The following PAX7 variants were observed in gnomAD, a reference collection of about 807,000 sequenced individuals.
PAX7 encodes the protein paired box 7.
PAX7 carries 18 observed loss-of-function variants against 50.7 expected under a neutral mutation model. That is an observed-to-expected ratio of 0.36 (90% confidence interval 0.25 to 0.53). The LOEUF (loss-of-function observed/expected upper bound fraction) is 0.53, where lower values mean the gene tolerates loss of function less well. Among genes scored for constraint, PAX7 ranks in the 20% least tolerant of loss-of-function variants. The probability of loss-of-function intolerance (pLI) is 0.93; values close to 1 mark genes in which losing one functional copy is unlikely to be tolerated. For synonymous variants in PAX7, 310 were observed against 290.4 expected (o/e 1.07, Z -0.69); for missense variants, 644 against 702.9 (o/e 0.92, Z 0.95).
intron 4 of PAX7, among the ~76,000 whole-genome samples, chr1:18,689,789 C>T (rs1257341915): frequency 6.6e-6 from 1 of 152,258 alleles, no homozygotes; most frequent in Non-Finnish European, 1.5e-5. Flanking sequence ...CAGGCGTTTG[C>T]ATGTGCTCTC....
At chr1:18,643,147 C>T (rs557316388) in intron 4 of PAX7, among the ~76,000 whole-genome samples, 4 of 152,318 alleles carry the variant, frequency 2.6e-5, no homozygotes, top group Admixed American at 6.5e-5. Context: ...CATTCTAGGG[C>T]GCCTTGGGCA....
At chr1:18,706,446 TTC>T (rs199935082) in intron 7 of PAX7, among the ~76,000 whole-genome samples, 24,518 of 142,890 alleles carry the variant, frequency 0.17, 2,591 homozygotes, top group African/African-American at 0.29. Flanking sequence ...TTCTTTTCTT[TTC>T]TCTCTCTCTC....
intron 4 of PAX7, among the ~76,000 whole-genome samples, chr1:18,646,987 G>A (rs1489166885): frequency 2.2e-5 from 3 of 139,198 alleles, no homozygotes; most frequent in Admixed American, 2.1e-4. Context: ...GTGGGGGGGA[G>A]GGCTGGGGCC....
intron 8 of PAX7, among the ~76,000 whole-genome samples, chr1:18,744,231 C>T (rs1345062740): frequency 6.6e-6 from 1 of 152,206 alleles, no homozygotes; most frequent in East Asian, 1.9e-4. Flanking sequence ...CTCAGGGATT[C>T]ACAGGGCCTT....
intron 4 of PAX7, among the ~76,000 whole-genome samples, chr1:18,670,006 C>G (rs972009392): frequency 6.7e-6 from 1 of 148,504 alleles, no homozygotes; most frequent in Non-Finnish European, 1.5e-5. Flanking sequence ...TCATTTGAAC[C>G]CAGGAGGCAG....
At chr1:18,645,085 T>A (rs1237727877) in intron 4 of PAX7, among the ~76,000 whole-genome samples, 11 of 152,232 alleles carry the variant, frequency 7.2e-5, no homozygotes. Flanking sequence ...TGGGCTTCCC[T>A]CTTCGCAAGA....
chr1:18,653,398 C>T (rs2088464776), intron 4 of PAX7, among the ~76,000 whole-genome samples: 1 of 152,036 alleles, frequency 6.6e-6, no homozygotes, highest in African/African-American at 2.4e-5. Context: ...CGCACGGTTA[C>T]AGTGGATCAA....
At chr1:18,716,511 G>GT (rs1288441743) in intron 7 of PAX7, among the ~76,000 whole-genome samples, 3 of 48,390 alleles carry the variant, frequency 6.2e-5, no homozygotes, top group Non-Finnish European at 9.7e-5. Context: ...TTTGTTTTTT[G>GT]TTTTTTTCAC....
chr1:18,702,052 G>A (rs1280594088), intron 6 of PAX7, among the ~76,000 whole-genome samples: 1 of 152,102 alleles, frequency 6.6e-6, no homozygotes, highest in African/African-American at 2.4e-5. Flanking sequence ...GGCCTCATGG[G>A]CTGGGCGCAG....
chr1:18,721,409 G>A lies in PAX7; in HGVS notation c.1156-14223G>A, dbSNP rs2089492224. On this transcript the variant is annotated intron_variant, in intron 7 of 8. Coordinates refer to ENST00000420770, the MANE Select transcript of PAX7 (RefSeq NM_001135254.2). ...GTGCAGCGCAGGGACTGAGCTTCCC[G>A]AATCCCTTCCTGGTTCCTCCCTCTC... is the stretch of plus-strand genomic sequence containing the variant. Among the ~76,000 whole-genome samples, 3 of 152,166 alleles carry A rather than the reference G, an allele frequency of 2.0e-5. 1 individual carries two copies. The highest frequency in any genetic ancestry group is 2.9e-5 in the Non-Finnish European group (2 of 68,024).
intron 7 of PAX7, among the ~76,000 whole-genome samples, chr1:18,709,183 C>T (rs949649050): frequency 3.3e-5 from 5 of 152,090 alleles, no homozygotes; most frequent in African/African-American, 7.2e-5. Context: ...CAATCTCCCC[C>T]GAGATTTTCT....
intron 4 of PAX7, among the ~76,000 whole-genome samples, chr1:18,682,335 C>T (rs992908493): frequency 3.2e-4 from 49 of 152,262 alleles, no homozygotes; most frequent in African/African-American, 1.2e-3. Context: ...GCCATGGAGC[C>T]TGAGGCCTAG....
intron 7 of PAX7, among the ~76,000 whole-genome samples, chr1:18,707,472 T>G (rs1426083262): frequency 2.9e-5 from 4 of 139,220 alleles, no homozygotes; most frequent in Admixed American, 8.1e-5. Flanking sequence ...CAGGCTGGAG[T>G]GCAGTGGCGC....
intron 4 of PAX7, among the ~76,000 whole-genome samples, chr1:18,658,033 T>C (rs2088547961): frequency 1.3e-5 from 2 of 152,124 alleles, no homozygotes; most frequent in South Asian, 4.1e-4. Flanking sequence ...AGTGACAAGA[T>C]CAAGCCAGAC....
intron 4 of PAX7, among the ~76,000 whole-genome samples, chr1:18,686,247 G>T (rs769023067): frequency 9.2e-5 from 14 of 152,336 alleles, no homozygotes; most frequent in Admixed American, 7.2e-4. Flanking sequence ...GGTAGGAGCT[G>T]CAATTCTCCT....
rs1278034452 is a variant in PAX7 at position 18,636,059 on chromosome 1, A to T, written c.452-178A>T. 2.0e-5 allele frequency among the ~76,000 whole-genome samples: 3 copies of T among 152,100 alleles called. No homozygotes were observed. Among genetic ancestry groups the T allele is most frequent in the African/African-American group, 7.2e-5 (3 of 41,416 alleles). The stretch of plus-strand genomic sequence containing the variant: ...CCCGGGGTGTGAGTCAGGCTTCTCC[A>T]AGTGGATGCTGGTTATGGAGTACGT... On this transcript the variant is annotated intron_variant, in intron 3 of 8. Transcript: ENST00000420770. The surrounding 1 kb of genome is among the most constrained non-coding windows in gnomAD (Gnocchi z 5.1).
At chr1:18,682,059 G>A (rs537112209) in intron 4 of PAX7, among the ~76,000 whole-genome samples, 421 of 152,142 alleles carry the variant, frequency 2.8e-3, no homozygotes, top group African/African-American at 9.6e-3. Context: ...TTTAAAATCC[G>A]GCCTGGTGGG....
rs1258510005 is a variant in PAX7, at chr1:18,632,242, A to G, written c.85+554A>G. Among the ~76,000 whole-genome samples, 3 of 152,234 alleles carry G rather than the reference A, an allele frequency of 2.0e-5. No homozygotes were observed. Among genetic ancestry groups the G allele is most frequent in the Non-Finnish European group, 4.4e-5 (3 of 68,040 alleles). On this transcript the variant is annotated intron_variant, in intron 1 of 8. Coordinates refer to ENST00000420770, the MANE Select transcript of PAX7 (RefSeq NM_001135254.2). The surrounding 1 kb of genome is among the most constrained non-coding windows in gnomAD (Gnocchi z 6.3). ...CCGCCTGGAAACAAACTAATTGGAAATAATAATTAGTAATGATTTTCCCCC... is the reference window on the plus strand; with the variant it reads ...CCGCCTGGAAACAAACTAATTGGAAGTAATAATTAGTAATGATTTTCCCCC...
intron 8 of PAX7, among the ~76,000 whole-genome samples, chr1:18,740,491 A>G (rs969043168): frequency 3.3e-5 from 5 of 152,188 alleles, no homozygotes; most frequent in African/African-American, 1.2e-4. Flanking sequence ...CAGTTTCCTC[A>G]TTTATAGAAG....
Sources: gnomAD v4.1 joint callset for allele counts (sites outside exome capture counted in the v4.1 genomes callset) on GRCh38, gnomAD v4.1.1 for gene constraint, Gnocchi (gnomAD v3.1) non-coding constraint, MANE v1.5 for transcripts, NCBI Gene and HGNC (gene_info 2026-07-23, HGNC 2026-07-21) for gene names.